Variants in PLA2G4F observed in about 807,000 individuals in gnomAD.
PLA2G4F encodes the protein cytosolic phospholipase A2 zeta.
PLA2G4F carries 105 observed loss-of-function variants against 103.1 expected under a neutral mutation model. The ratio of observed to expected loss-of-function variants is 1.02; its 90% CI spans 0.87 to 1.20. PLA2G4F has a LOEUF of 1.20. PLA2G4F is among the 50% of genes most tolerant of loss of function. The pLI is 0.00. For synonymous variants in PLA2G4F, 468 were observed against 441.1 expected, an observed-to-expected ratio of 1.06 and a Z score of -0.76; for missense variants, 1,155 against 1,075.9, an observed-to-expected ratio of 1.07 and a Z score of -1.03.
intron 5 of PLA2G4F, 123 bp downstream of exon 5, chr15:42,153,497 G>A (rs377755144): frequency 5.1e-5 from 76 of 1,486,188 alleles, no homozygotes; most frequent in South Asian, 4.9e-4. Flanking sequence ...TGGGTGTCAA[G>A]ACCAGGCCAT....
Position 42,144,659 on chromosome 15 carries a change from G to C in PLA2G4F, c.1781-15C>G. 6.4e-7 allele frequency: 1 copy of C among 1,559,302 alleles called. No individual in the cohort carries two copies. Among genetic ancestry groups the C allele is most frequent in the South Asian group, 1.2e-5 (1 of 81,840 alleles). On this transcript the variant is annotated splice_polypyrimidine_tract_variant and intron_variant, in intron 16 of 19. Coordinates refer to ENST00000397272, the MANE Select transcript of PLA2G4F (RefSeq NM_213600.4). ...CTGGCAGTCGTCTAGACAGGGGCGG[G>C]ACAGTGAAATAGAGGGGAAAGTGGC...
At position 42,144,506 on chromosome 15, in the gene PLA2G4F, C is replaced by G; in HGVS notation, c.1919G>C (p.Arg640Pro). ...FTSAQSFNFT[R>P]GLCLHKDYVA... ...ATAGTCCTTGTGCAAGCAGAGACCC[C>G]GGGTGAAGTTAAAGCTCTGGGCGGA... The change falls in exon 17 of 20, where the codon CGG (arginine) becomes CCG (proline). Residue 640 changes from arginine (R) to proline (P), a missense_variant. This residue lies in a region of PLA2G4F where 782 missense variants were observed against 692.9 expected (regional missense o/e 1.13). Transcript: ENST00000397272. 4.3e-6 allele frequency: 7 copies of G among 1,612,448 alleles called. No homozygotes were observed. Among genetic ancestry groups the G allele is most frequent in the Non-Finnish European group, 5.9e-6 (7 of 1,180,026 alleles).
chr15:42,145,861 T>G lies in PLA2G4F; in HGVS notation c.1577A>C (p.Tyr526Ser). Residue 526 changes from tyrosine (Y) to serine (S), a missense_variant, in exon 15 of 20, where the codon TAC becomes TCC. Coordinates refer to ENST00000397272, the MANE Select transcript of PLA2G4F (RefSeq NM_213600.4). ...FTPYEVGFPK[Y>S]GAYVPTELFG... is the part of the protein sequence containing the mutation. The stretch of plus-strand genomic sequence containing the variant: ...GAGCTCGGTGGGAACATAAGCCCCG[T>G]ACTTGGGGAAGCCAACCTCATAGGG... 6.2e-7 allele frequency: 1 copy of G among 1,613,984 alleles called. No homozygotes were observed. Among genetic ancestry groups the G allele is most frequent in the East Asian group, 2.2e-5 (1 of 44,868 alleles).
chr15:42,151,055 C>A, intron 7 of PLA2G4F: 8 of 985,252 alleles, frequency 8.1e-6, no homozygotes, highest in Non-Finnish European at 9.6e-6. Context: ...GGAGAGGGGC[C>A]CTGCCCAGAG....
At chr15:42,148,021 A>C (rs2048912485) in intron 11 of PLA2G4F, among the ~76,000 whole-genome samples, 1 of 152,106 alleles carries the variant, frequency 6.6e-6, no homozygotes, top group Non-Finnish European at 1.5e-5. Context: ...TACTAAAACT[A>C]CAAAAAAATT....
At chr15:42,148,951 CT>C in intron 11 of PLA2G4F, 2 of 985,404 alleles carry the variant, frequency 2.0e-6, no homozygotes, top group Non-Finnish European at 2.4e-6. Flanking sequence ...ACGATCTAGC[CT>C]TGTCAGCGCT....
At chr15:42,154,301 T>C (rs763928627) in intron 3 of PLA2G4F, 21 bp downstream of exon 3, 3 of 1,608,876 alleles carry the variant, frequency 1.9e-6, no homozygotes, top group Non-Finnish European at 2.6e-6. Context: ...TCCCGCAGCC[T>C]GGCCCCTGGC....
chr15:42,147,750 C>T lies in PLA2G4F; in HGVS notation c.1072G>A (p.Ala358Thr). 6.2e-7 allele frequency: 1 copy of T among 1,613,924 alleles called. No individual in the cohort carries two copies. Among genetic ancestry groups the T allele is most frequent in the Non-Finnish European group, 8.5e-7 (1 of 1,179,960 alleles). Residue 358 changes from alanine to threonine, a missense_variant, in exon 12 of 20, where the codon GCT becomes ACT. Coordinates refer to ENST00000397272, the MANE Select transcript of PLA2G4F (RefSeq NM_213600.4). ...GTTCCACCCCCGGAACCCAACACAG[C>T]CACTACAGGCACCTGGGTACAATAA... ...ALDSGQVPVV[A>T]VLGSGGGTRA...
intron 11 of PLA2G4F, 29 bp downstream of exon 11, chr15:42,149,684 T>G: frequency 6.2e-7 from 1 of 1,613,568 alleles, no homozygotes; most frequent in Non-Finnish European, 8.5e-7. Context: ...CTAGAGGCTC[T>G]GGGGTCCAGC....
intron 7 of PLA2G4F, chr15:42,151,184 G>A (rs2048958295): frequency 1.0e-6 from 1 of 985,202 alleles, no homozygotes; most frequent in Non-Finnish European, 1.2e-6. Flanking sequence ...GGAGGTTTGT[G>A]GCCCAAGAGA....
chr15:42,144,374 C>A (rs2048857862), intron 17 of PLA2G4F, 76 bp downstream of exon 17: 3 of 1,562,466 alleles, frequency 1.9e-6, no homozygotes, highest in Non-Finnish European at 2.6e-6. Context: ...CAGCCCAAAG[C>A]CAGCACTGGC....
At position 42,145,899 on chromosome 15, in the gene PLA2G4F, C is replaced by A. The variant is rs1207421951; in HGVS notation, c.1539G>T (p.Trp513Cys). ...TNLSGEDFAE[W>C]CEFTPYEVGF... ...CAACCTCATAGGGCGTGAACTCGCA[C>A]CACTCTAGGGGCCCGAGTGAAGGGA... Residue 513 changes from tryptophan to cysteine, a missense_variant, in exon 15 of 20, where the codon TGG (tryptophan) becomes TGT (cysteine). This residue lies in a region of PLA2G4F where 782 missense variants were observed against 692.9 expected (regional missense o/e 1.13). Coordinates refer to ENST00000397272, the MANE Select transcript of PLA2G4F (RefSeq NM_213600.4). The A allele has an allele frequency of 6.2e-7, 1 of 1,613,950 alleles. No individual in the cohort carries two copies. The highest frequency in any genetic ancestry group is 8.5e-7 in the Non-Finnish European group (1 of 1,180,016).
intron 12 of PLA2G4F, 55 bp from the exon 13 acceptor site, chr15:42,147,401 G>C: frequency 6.6e-7 from 1 of 1,522,762 alleles, no homozygotes. Flanking sequence ...CCACGGGAGA[G>C]AGGGGTGCAG....
intron 2 of PLA2G4F, 62 bp downstream of exon 2, chr15:42,155,455 G>C (rs2049006706): frequency 6.4e-7 from 1 of 1,550,654 alleles, no homozygotes; most frequent in Non-Finnish European, 8.9e-7. Context: ...GCCAGCCTGA[G>C]CTGAGCTCTG....
rs865889319 is a variant in PLA2G4F at position 42,149,940 on chromosome 15, G to A, written c.924-92C>T. 4.6e-6 allele frequency: 7 copies of A among 1,538,040 alleles called. No individual in the cohort carries two copies. In the South Asian group the frequency reaches 5.6e-5, roughly 12 times the overall value. On this transcript the variant is annotated intron_variant, in intron 10 of 19. Coordinates refer to ENST00000397272, the MANE Select transcript of PLA2G4F (RefSeq NM_213600.4). ...GGCCCAGCCCAGGTCTTTCACAGGAGCAGGTCCAAGGGATCCGCCCACCAG... is the reference window on the plus strand; with the variant it reads ...GGCCCAGCCCAGGTCTTTCACAGGAACAGGTCCAAGGGATCCGCCCACCAG...
intron 2 of PLA2G4F, among the ~76,000 whole-genome samples, 179 bp downstream of exon 2, chr15:42,155,336 TCA>T (rs971751201): frequency 1.3e-5 from 2 of 150,978 alleles, no homozygotes; most frequent in African/African-American, 2.5e-5. Flanking sequence ...ACACTTGCAC[TCA>T]CACATACTTG....
intron 11 of PLA2G4F, chr15:42,148,679 C>G: frequency 1.0e-6 from 1 of 985,370 alleles, no homozygotes; most frequent in Non-Finnish European, 1.2e-6. Context: ...CCCCCAGGCA[C>G]CAAAGGTGCC....
chr15:42,149,730 C>A lies in PLA2G4F; in HGVS notation c.1042G>T (p.Ala348Ser), dbSNP rs2048933481. Residue 348 changes from alanine (A) to serine (S), a missense_variant, in exon 11 of 20, where the codon GCT becomes TCT. Physicochemically the swap from Ala to Ser is moderately conservative, Grantham distance 99 (BLOSUM62 1). Around this residue, in one of 3 missense-constraint regions of PLA2G4F, gnomAD observed 782 missense variants for 692.9 expected, o/e 1.13. Transcript: ENST00000397272. ...TTACGTACCTGGCCACTGTCCAGAG[C>A]CTCACTCAATCCCAGCACTTGCTGC... is the stretch of plus-strand genomic sequence containing the variant. ...ALQQVLGLSE[A>S]LDSGQVPVVA... 1 of 1,614,104 alleles carries A rather than the reference C, an allele frequency of 6.2e-7. No individual in the cohort carries two copies.
At position 42,150,404 on chromosome 15, in the gene PLA2G4F, TG is replaced by T. The variant is rs769546502; in HGVS notation, c.853del (p.Gln285ArgfsTer17). The T allele has an allele frequency of 2.7e-5, 43 of 1,612,976 alleles. 1 individual carries two copies. In the South Asian group the frequency reaches 4.6e-4, roughly 17 times the overall value. ...GILLSSLPLG[Q>X]EEQCSVALGE... ...CAGGGCCACAGAACACTGTTCCTCC[TG>T]GCCTAGGGGCAGAGAGGAGAGCAGG... On this transcript the variant is annotated frameshift_variant, in exon 9 of 20. Coordinates refer to ENST00000397272, the MANE Select transcript of PLA2G4F (RefSeq NM_213600.4). LOFTEE classifies it high-confidence loss of function.
Sources: allele counts gnomAD v4.1 joint callset (sites outside exome capture counted in the v4.1 genomes callset), GRCh38; gene constraint gnomAD v4.1.1; regional missense constraint gnomAD v4.1.1; transcripts MANE v1.5; gene names NCBI Gene and HGNC (gene_info 2026-07-23, HGNC 2026-07-21).